Variants in FTO observed in about 807,000 individuals in gnomAD.
The protein encoded by FTO is FTO alpha-ketoglutarate dependent dioxygenase.
FTO carries 47 observed loss-of-function variants against 63.9 expected under a neutral mutation model. The observed-to-expected ratio is 0.74, with a 90% CI of 0.58 to 0.94. FTO has a LOEUF of 0.94. Ranked by LOEUF, FTO falls within the 40% of genes least tolerant of loss-of-function variation. FTO has a pLI of 0.00. For missense variants in FTO, 562 were observed against 618.1 expected (o/e 0.91, Z 0.96); for synonymous variants, 207 against 224.4 (o/e 0.92, Z 0.69).
intron 8 of FTO, among the ~76,000 whole-genome samples, chr16:54,034,969 C>G (rs1017943124): frequency 6.6e-6 from 1 of 152,182 alleles, no homozygotes; most frequent in African/African-American, 2.4e-5. Context: ...GGTCACTACT[C>G]TAAATAAATA....
Position 54,119,230 on chromosome 16 carries a change from A to G in FTO, c.*7315A>G, listed in dbSNP as rs1238320987. On this transcript the variant is annotated 3_prime_UTR_variant, in exon 9 of 9. Transcript: ENST00000471389. ...CACACGGATGGAGGAGCATGATTTCATTTGTTTCTTTGCAAAACTGCTGTC... is the reference window on the plus strand; with the variant it reads ...CACACGGATGGAGGAGCATGATTTCGTTTGTTTCTTTGCAAAACTGCTGTC... 2 of 152,210 alleles carry G rather than the reference A, an allele frequency of 1.3e-5. No individual in the cohort carries two copies. Among genetic ancestry groups the G allele is most frequent in the Non-Finnish European group, 2.9e-5 (2 of 68,020 alleles). 9.4% of individuals were successfully genotyped at this position (152,210 alleles called of 1,614,324 possible).
At chr16:54,070,923 C>A (rs990689068) in intron 8 of FTO, 1 of 152,236 alleles carries the variant, frequency 6.6e-6, no homozygotes, top group Non-Finnish European at 1.5e-5. Context: ...ACACATCTTA[C>A]AACTGTCCAA....
At chr16:54,024,422 G>T (rs540441363) in intron 8 of FTO, among the ~76,000 whole-genome samples, 19 of 152,126 alleles carry the variant, frequency 1.2e-4, no homozygotes, top group Admixed American at 1.2e-3. Context: ...TAGAGACGGG[G>T]TCTCACCATA....
intron 8 of FTO, among the ~76,000 whole-genome samples, chr16:53,985,998 T>C (rs2143854929): frequency 6.6e-6 from 1 of 152,336 alleles, no homozygotes; most frequent in Admixed American, 6.5e-5. Context: ...TGGATTTAAG[T>C]CCTTTATTTT....
chr16:53,960,569 T>G (rs536800987), intron 8 of FTO, among the ~76,000 whole-genome samples: 1 of 152,336 alleles, frequency 6.6e-6, no homozygotes, highest in East Asian at 1.9e-4. Flanking sequence ...TTGTCTTACC[T>G]CTGGTGCTGG....
intron 1 of FTO, among the ~76,000 whole-genome samples, chr16:53,751,423 A>G (rs2076790861): frequency 6.6e-6 from 1 of 151,954 alleles, no homozygotes; most frequent in Non-Finnish European, 1.5e-5. Flanking sequence ...ATGCCACTGC[A>G]CTCCAGCCTG....
chr16:53,800,055 G>C (rs143943159), intron 1 of FTO, among the ~76,000 whole-genome samples: 5 of 151,170 alleles, frequency 3.3e-5, no homozygotes, highest in African/African-American at 1.2e-4. Context: ...TATTGTATTT[G>C]TTCTTCTTTT....
chr16:53,820,096 C>T (rs2078815296), intron 2 of FTO, among the ~76,000 whole-genome samples: 1 of 150,334 alleles, frequency 6.7e-6, no homozygotes, highest in South Asian at 2.1e-4. Context: ...GTAACCTCTA[C>T]CTCCCGGGTT....
At position 53,964,442 on chromosome 16, in the gene FTO, G is replaced by A. The variant is rs376509391; in HGVS notation, c.1364+30333G>A. On this transcript the variant is annotated intron_variant, in intron 8 of 8. Coordinates refer to ENST00000471389, the MANE Select transcript of FTO (RefSeq NM_001080432.3). ...AAGGGAACCAGAACACAACCAATAT[G>A]TTGTATTCTTTTTTCATTTGTTGTT... is the stretch of plus-strand genomic sequence containing the variant. 9.9e-5 allele frequency among the ~76,000 whole-genome samples: 15 copies of A among 152,204 alleles called. No individual in the cohort carries two copies. In the East Asian group the frequency reaches 1.2e-3, roughly 12 times the overall value.
At position 54,009,527 on chromosome 16, in the gene FTO, GA is replaced by G. The variant is rs2084289891; in HGVS notation, c.1364+75421del. On this transcript the variant is annotated intron_variant, in intron 8 of 8. Transcript: ENST00000471389. ...AAGAAAAGGGAGTGAGAATTTACTG[GA>G]AAGAAGGACAAATGAGCATCGAATT... Among the ~76,000 whole-genome samples the G allele has an allele frequency of 2.0e-5, 3 of 152,252 alleles. No individual in the cohort carries two copies. The East Asian group carries it at 5.8e-4, about 30-fold the overall frequency.
At chr16:53,896,325 T>A (rs999350811) in intron 7 of FTO, among the ~76,000 whole-genome samples, 2 of 152,082 alleles carry the variant, frequency 1.3e-5, no homozygotes, top group African/African-American at 4.8e-5. Context: ...GGTTTTTTTT[T>A]TTTTGTGGGG....
At chr16:53,704,533 C>T (rs933532950) in intron 1 of FTO, among the ~76,000 whole-genome samples, 2 of 152,320 alleles carry the variant, frequency 1.3e-5, no homozygotes, top group African/African-American at 4.8e-5. Context: ...TTACCGGATT[C>T]TCAGATGACT....
At chr16:53,755,609 A>G (rs1411442567) in intron 1 of FTO, among the ~76,000 whole-genome samples, 2 of 152,222 alleles carry the variant, frequency 1.3e-5, no homozygotes, top group Non-Finnish European at 2.9e-5. Flanking sequence ...TAGAGACTGC[A>G]CAGATCCCTT....
chr16:53,869,541 GTT>G (rs35983302), intron 4 of FTO, among the ~76,000 whole-genome samples: 1,552 of 125,226 alleles, frequency 0.012, 19 homozygotes, highest in South Asian at 0.059. Flanking sequence ...CCATAGTTCT[GTT>G]TTTTTTTTTT....
intron 5 of FTO, among the ~76,000 whole-genome samples, chr16:53,878,556 A>G (rs1366500866): frequency 6.6e-6 from 1 of 152,222 alleles, no homozygotes; most frequent in Non-Finnish European, 1.5e-5. Context: ...ATTTTATATC[A>G]GAGGATTAGC....
At chr16:53,829,098 G>C (rs922844511) in intron 3 of FTO, among the ~76,000 whole-genome samples, 2 of 152,128 alleles carry the variant, frequency 1.3e-5, no homozygotes, top group African/African-American at 4.8e-5. Flanking sequence ...CACCATGCTA[G>C]CCAGGCTGGT....
intron 6 of FTO, 108 bp from the exon 7 acceptor site, chr16:53,888,724 A>C (rs2081072561): frequency 8.3e-7 from 1 of 1,204,972 alleles, no homozygotes. Context: ...ACCTTTTCTC[A>C]TCCTATGGCC....
intron 7 of FTO, among the ~76,000 whole-genome samples, chr16:53,898,604 ATGTT>A: frequency 6.6e-6 from 1 of 152,154 alleles, no homozygotes; most frequent in African/African-American, 2.4e-5. Context: ...TACTCGACAC[ATGTT>A]TGTTAAAAGA....
rs190599594 is a variant in FTO, at chr16:54,051,939, T to C, written c.1365-59823T>C. Among the ~76,000 whole-genome samples the C allele has an allele frequency of 4.5e-3, 691 of 152,330 alleles. 4 individuals carry two copies. The highest frequency in any genetic ancestry group is 7.9e-3 in the Non-Finnish European group (536 of 68,032). On this transcript the variant is annotated intron_variant, in intron 8 of 8. Coordinates refer to ENST00000471389, the MANE Select transcript of FTO (RefSeq NM_001080432.3). ...TTAGAAGTTCTGGAACAAGGTTGTT[T>C]GATAACATCTCTGAAGGGCAAAGGA...
Sources: allele counts gnomAD v4.1 joint callset (sites outside exome capture counted in the v4.1 genomes callset), GRCh38; gene constraint gnomAD v4.1.1; transcripts MANE v1.5; gene names NCBI Gene and HGNC (gene_info 2026-07-23, HGNC 2026-07-21).